CDK14: variants seen among roughly 807,000 people sequenced by gnomAD.
CDK14 encodes cyclin dependent kinase 14, also known as cyclin-dependent kinase 14.
CDK14 carries 34 observed loss-of-function variants against 60.7 expected under a neutral mutation model. The observed-to-expected ratio is 0.56, with a 90% CI of 0.43 to 0.75. The LOEUF is 0.75. Among genes scored for constraint, CDK14 ranks in the 30% least tolerant of loss-of-function variants. The pLI is 0.00. For synonymous variants in CDK14, 197 were observed against 203.7 expected (o/e 0.97, Z 0.28); for missense variants, 482 against 564.1 (o/e 0.85, Z 1.47).
At chr7:90,890,723 T>C (rs763731635) in intron 6 of CDK14, among the ~76,000 whole-genome samples, 15 of 152,208 alleles carry the variant, frequency 9.9e-5, no homozygotes, top group Non-Finnish European at 1.9e-4. Context: ...TTAATTCTTA[T>C]AGCAATGTAG....
chr7:90,811,148 C>T (rs1789086292), intron 5 of CDK14, among the ~76,000 whole-genome samples: 1 of 152,242 alleles, frequency 6.6e-6, no homozygotes, highest in Non-Finnish European at 1.5e-5. Flanking sequence ...AAAAAGAGCC[C>T]CCATTGCCAA....
intron 6 of CDK14, among the ~76,000 whole-genome samples, chr7:90,887,134 TG>T (rs1791970125): frequency 6.6e-6 from 1 of 152,162 alleles, no homozygotes; most frequent in South Asian, 2.1e-4. Context: ...GAGAGCTACT[TG>T]GAACCAATTT....
At chr7:90,779,958 T>G (rs950356755) in intron 4 of CDK14, among the ~76,000 whole-genome samples, 6 of 152,306 alleles carry the variant, frequency 3.9e-5, no homozygotes, top group African/African-American at 1.4e-4. Flanking sequence ...CTACCATGCC[T>G]TTTTTCCCCT....
intron 14 of CDK14, among the ~76,000 whole-genome samples, chr7:91,157,897 A>C (rs1316053919): frequency 6.6e-6 from 1 of 152,048 alleles, no homozygotes; most frequent in African/African-American, 2.4e-5. Flanking sequence ...CTTTACAATG[A>C]GTATTCTTGG....
chr7:90,711,572 A>T (rs1476570103), intron 2 of CDK14, among the ~76,000 whole-genome samples: 1 of 152,108 alleles, frequency 6.6e-6, no homozygotes, highest in East Asian at 1.9e-4. Context: ...TGATTTTACA[A>T]TCATACGATA....
At chr7:91,141,302 C>G (rs545548919) in intron 14 of CDK14, among the ~76,000 whole-genome samples, 20 of 152,272 alleles carry the variant, frequency 1.3e-4, no homozygotes, top group African/African-American at 4.1e-4. Context: ...AAAATTGTCT[C>G]CACTTTCTCA....
intron 2 of CDK14, among the ~76,000 whole-genome samples, chr7:90,711,427 A>G (rs73220683): frequency 0.16 from 24,148 of 150,784 alleles, 2,037 homozygotes; most frequent in Middle Eastern, 0.26. Context: ...TCTTTTTCTG[A>G]GAATCTTGTG....
intron 11 of CDK14, among the ~76,000 whole-genome samples, chr7:91,076,647 A>G (rs1798327975): frequency 6.6e-6 from 1 of 152,218 alleles, no homozygotes; most frequent in African/African-American, 2.4e-5. Flanking sequence ...AAAATTGACA[A>G]ATGGGATCTA....
At chr7:90,612,908 G>A (rs1799575206) in intron 2 of CDK14, among the ~76,000 whole-genome samples, 1 of 151,660 alleles carries the variant, frequency 6.6e-6, no homozygotes, top group Admixed American at 6.6e-5. Context: ...CTTTAATTAT[G>A]CCAGTAATCC....
chr7:91,150,986 G>T (rs891682334), intron 14 of CDK14, among the ~76,000 whole-genome samples: 1 of 152,034 alleles, frequency 6.6e-6, no homozygotes, highest in Non-Finnish European at 1.5e-5. Context: ...TATTTTTATT[G>T]TGTTTGTGTG....
chr7:90,863,668 A>ATG (rs549142223), intron 6 of CDK14, among the ~76,000 whole-genome samples: 2 of 48,848 alleles, frequency 4.1e-5, no homozygotes, highest in African/African-American at 1.4e-4. Flanking sequence ...GCTTATTAAG[A>ATG]TATGTGTGTG....
At chr7:90,828,820 C>G (rs1484143543) in intron 5 of CDK14, among the ~76,000 whole-genome samples, 1 of 152,162 alleles carries the variant, frequency 6.6e-6, no homozygotes, top group Non-Finnish European at 1.5e-5. Flanking sequence ...CTGTATGTGG[C>G]AGAGCGAGTT....
At chr7:90,764,233 G>C (rs1804445528) in intron 4 of CDK14, among the ~76,000 whole-genome samples, 1 of 152,154 alleles carries the variant, frequency 6.6e-6, no homozygotes, top group Admixed American at 6.6e-5. Flanking sequence ...CTGGCAATTA[G>C]ACATGATTTT....
At chr7:90,789,220 A>G (rs184418714) in intron 4 of CDK14, among the ~76,000 whole-genome samples, 2 of 152,324 alleles carry the variant, frequency 1.3e-5, no homozygotes, top group East Asian at 3.9e-4. Context: ...ATACTCATAC[A>G]TAAGAACACC....
chr7:90,953,278 C>T (rs1430586728), intron 8 of CDK14, among the ~76,000 whole-genome samples: 1 of 152,150 alleles, frequency 6.6e-6, no homozygotes, highest in Non-Finnish European at 1.5e-5. Context: ...ACATTCTTCA[C>T]TCTGACACAT....
intron 11 of CDK14, 110 bp from the exon 12 acceptor site, chr7:91,079,322 C>T: frequency 3.0e-6 from 2 of 673,162 alleles, no homozygotes; most frequent in Admixed American, 2.9e-5. Context: ...CTATGCTGGC[C>T]TAACTGACTG....
At chr7:90,841,784 A>G (rs1790301869) in intron 5 of CDK14, among the ~76,000 whole-genome samples, 1 of 151,948 alleles carries the variant, frequency 6.6e-6, no homozygotes, top group Non-Finnish European at 1.5e-5. Flanking sequence ...TAGTAGTTCC[A>G]GACACTTGCT....
At chr7:90,742,831 A>C (rs1054939399) in intron 3 of CDK14, among the ~76,000 whole-genome samples, 8 of 152,010 alleles carry the variant, frequency 5.3e-5, no homozygotes, top group South Asian at 2.1e-4. Context: ...ATTAAAAAAA[A>C]CCATTTATTG....
intron 14 of CDK14, among the ~76,000 whole-genome samples, chr7:91,124,989 A>G (rs967245836): frequency 6.6e-6 from 1 of 152,176 alleles, no homozygotes; most frequent in African/African-American, 2.4e-5. Flanking sequence ...GAGTCCCACT[A>G]GACAGTCTTT....
Sources: gnomAD v4.1 joint callset for allele counts (sites outside exome capture counted in the v4.1 genomes callset) on GRCh38, gnomAD v4.1.1 for gene constraint, MANE v1.5 for transcripts, NCBI Gene and HGNC (gene_info 2026-07-23, HGNC 2026-07-21) for gene names.